Variants in TMEM14A observed in about 807,000 individuals in gnomAD.
TMEM14A encodes transmembrane protein 14A.
In TMEM14A, 8 loss-of-function variants were observed where a neutral mutation model predicts 11.6. That is an observed-to-expected ratio of 0.69 (90% CI 0.40 to 1.24). The LOEUF (loss-of-function observed/expected upper bound fraction) is 1.24. TMEM14A is among the 50% of genes most tolerant of loss of function. The pLI is 0.01. For missense variants in TMEM14A, 108 were observed against 121.9 expected (o/e 0.89, Z 0.54); for synonymous variants, 34 against 45.5 (o/e 0.75, Z 1.02).
intron 2 of TMEM14A, among the ~76,000 whole-genome samples, chr6:52,680,691 G>GTGTGTATATATATATATA (rs758417981): frequency 5.7e-5 from 2 of 35,336 alleles, no homozygotes; most frequent in African/African-American, 7.6e-5. Flanking sequence ...ATACATATAT[G>GTGTGTATATATATATATA]TATATATATA....
rs1769448742 is a variant in TMEM14A, at chr6:52,684,147, G to T, written c.242G>T (p.Gly81Val). Residue 81 changes from glycine (G) to valine (V), a missense_variant, in exon 4 of 5, where the codon GGT becomes GTT. By Grantham distance (109) the Gly-to-Val change is moderately radical. Transcript: ENST00000211314. ...FKRSKKIMPA[G>V]LVAGLSLMMI... is the part of the protein sequence containing the mutation. The stretch of plus-strand genomic sequence containing the variant: ...AGGTCCAAGAAAATAATGCCTGCTG[G>T]TTTGGTTGCAGGTTTAAGGTAAGTA... 1 of 1,613,656 alleles carries T rather than the reference G, an allele frequency of 6.2e-7. No homozygotes were observed. Among genetic ancestry groups the T allele is most frequent in the Non-Finnish European group, 8.5e-7 (1 of 1,179,844 alleles).
intron 3 of TMEM14A, among the ~76,000 whole-genome samples, chr6:52,682,990 A>G (rs1230467887): frequency 6.6e-6 from 1 of 152,050 alleles, no homozygotes; most frequent in Non-Finnish European, 1.5e-5. Flanking sequence ...TTTTTTTATT[A>G]ATCAGATCTT....
Position 52,686,421 on chromosome 6 carries a change from C to T in TMEM14A, c.*372C>T, listed in dbSNP as rs1170687575. On this transcript the variant is annotated 3_prime_UTR_variant, in exon 5 of 5. Transcript: ENST00000211314. ...TGGAGTTCACAGAATGATAATGTATCTATTTGTCATTTGTGTTATATTTGA... is the reference window on the plus strand; with the variant it reads ...TGGAGTTCACAGAATGATAATGTATTTATTTGTCATTTGTGTTATATTTGA... 5.2e-6 allele frequency: 2 copies of T among 386,536 alleles called. No individual in the cohort carries two copies. Among genetic ancestry groups the T allele is most frequent in the African/African-American group, 2.1e-5 (1 of 48,328 alleles). 23.9% of individuals were successfully genotyped at this position (386,536 alleles called of 1,614,324 possible).
chr6:52,677,281 G>A (rs1036523128), intron 2 of TMEM14A, 109 bp downstream of exon 2: 5 of 1,204,302 alleles, frequency 4.2e-6, no homozygotes, highest in Non-Finnish European at 4.9e-6. Context: ...TGCCTTAGAG[G>A]TGGCTGAAGA....
At chr6:52,682,536 GAA>G (rs373527001) in intron 3 of TMEM14A, among the ~76,000 whole-genome samples, 1 of 149,894 alleles carries the variant, frequency 6.7e-6, no homozygotes, top group Admixed American at 6.6e-5. Context: ...GTCGTGTATG[GAA>G]AAAAATATAA....
chr6:52,676,308 A>G (rs1769256994), intron 1 of TMEM14A, among the ~76,000 whole-genome samples: 1 of 152,174 alleles, frequency 6.6e-6, no homozygotes, highest in African/African-American at 2.4e-5. Context: ...GCTGGAGTGC[A>G]GTGGCACAAT....
intron 1 of TMEM14A, among the ~76,000 whole-genome samples, chr6:52,676,369 C>T (rs1488424381): frequency 6.6e-6 from 1 of 152,162 alleles, no homozygotes; most frequent in East Asian, 1.9e-4. Context: ...CCTCCCAACT[C>T]AGCATCCTGA....
chr6:52,685,547 T>C (rs1225368465), intron 4 of TMEM14A, among the ~76,000 whole-genome samples: 1 of 150,112 alleles, frequency 6.7e-6, no homozygotes, highest in African/African-American at 2.5e-5. Context: ...ACTGCGTCAC[T>C]ATACTCCAGC....
At chr6:52,681,959 G>C in intron 3 of TMEM14A, 45 bp downstream of exon 3, 1 of 1,540,466 alleles carries the variant, frequency 6.5e-7, no homozygotes, top group Non-Finnish European at 9.0e-7. Context: ...AAACATTGGA[G>C]GTGATCTTTT....
In TMEM14A at chr6:52,684,169, A is replaced by C. The variant is rs558825146; in HGVS notation, c.260+4A>C. 87 of 1,612,514 alleles carry C rather than the reference A, an allele frequency of 5.4e-5. No individual in the cohort carries two copies. In the Middle Eastern group the frequency reaches 1.8e-3, roughly 34 times the overall value. On this transcript the variant is annotated splice_donor_region_variant and intron_variant, in intron 4 of 4. Transcript: ENST00000211314. The stretch of plus-strand genomic sequence containing the variant: ...CTGGTTTGGTTGCAGGTTTAAGGTA[A>C]GTAAAACTATTTTGATCAATACTTT...
At chr6:52,683,817 G>A (rs1317123403) in intron 3 of TMEM14A, among the ~76,000 whole-genome samples, 1 of 152,124 alleles carries the variant, frequency 6.6e-6, no homozygotes, top group Admixed American at 6.5e-5. Flanking sequence ...GTTTCTCCAT[G>A]TTGGTCAGAC....
chr6:52,677,072 T>G lies in TMEM14A; in HGVS notation c.-16-15T>G, dbSNP rs374503871. Reference sequence around the variant, plus strand: ...TTTTTATTTTGTATAATTTGTCCTTTCCCCCTTGCTTTAGAATTGCAACCT... The same window carrying G: ...TTTTTATTTTGTATAATTTGTCCTTGCCCCCTTGCTTTAGAATTGCAACCT... On this transcript the variant is annotated splice_polypyrimidine_tract_variant and intron_variant, in intron 1 of 4. Coordinates refer to ENST00000211314, the MANE Select transcript of TMEM14A (RefSeq NM_014051.4). 1.4e-5 allele frequency: 22 copies of G among 1,612,552 alleles called. No individual in the cohort carries two copies. The African/African-American group carries it at 2.8e-4, about 21-fold the overall frequency.
chr6:52,684,595 G>C (rs1251179143), intron 4 of TMEM14A, among the ~76,000 whole-genome samples: 4 of 152,168 alleles, frequency 2.6e-5, no homozygotes, highest in African/African-American at 9.7e-5. Context: ...TTTTAAGAGA[G>C]AAGTTTTAAT....
Position 52,680,660 on chromosome 6 carries a change from T to TATATATATATATAC in TMEM14A, c.71-1147_71-1146insATATATACATATAT, listed in dbSNP as rs1185425959. 1.7e-4 allele frequency among the ~76,000 whole-genome samples: 8 copies of TATATATATATATAC among 46,704 alleles called. 2 individuals carry two copies. In the South Asian group the frequency reaches 2.2e-3, roughly 13 times the overall value. The allele number at this position is 46,704 out of a possible 152,430, so 30.6% of individuals were successfully genotyped here. On this transcript the variant is annotated intron_variant, in intron 2 of 4. Coordinates refer to ENST00000211314, the MANE Select transcript of TMEM14A (RefSeq NM_014051.4). ...ATGTGTGTATATATATGTGTGTGTA[T>TATATATATATATAC]ATATATGTGTATATATATATATACA...
chr6:52,680,603 A>ATATATATATATATG (rs1769351015), intron 2 of TMEM14A, among the ~76,000 whole-genome samples: 1 of 121,734 alleles, frequency 8.2e-6, no homozygotes, highest in Non-Finnish European at 1.7e-5. Flanking sequence ...TTATATATAT[A>ATATATATATATATG]TATATATATG....
rs777175983 is a variant in TMEM14A, at chr6:52,684,157, A to C, written c.252A>C (p.Ala84=). 2.5e-6 allele frequency: 4 copies of C among 1,613,410 alleles called. No individual in the cohort carries two copies. The highest frequency in any genetic ancestry group is 2.2e-5 in the East Asian group (1 of 44,862). The change falls in exon 4 of 5, where the codon GCA becomes GCC. Residue 84 remains alanine, a synonymous_variant. Transcript: ENST00000211314. ...SKKIMPAGLV[A]GLSLMMILRL... ...AAATAATGCCTGCTGGTTTGGTTGC[A>C]GGTTTAAGGTAAGTAAAACTATTTT... is the stretch of plus-strand genomic sequence containing the variant.
In TMEM14A at chr6:52,684,070, G is replaced by GT; in HGVS notation, c.173-4dup. 1 of 1,611,290 alleles carries GT rather than the reference G, an allele frequency of 6.2e-7. No homozygotes were observed. Among genetic ancestry groups the GT allele is most frequent in the Non-Finnish European group, 8.5e-7 (1 of 1,179,158 alleles). ...AAACTCTGGTTCATGAATTAGTTTG[G>GT]TTTTCAGTTACAGCTTTCTTCCTGG... On this transcript the variant is annotated splice_polypyrimidine_tract_variant and splice_region_variant and intron_variant, in intron 3 of 4. Coordinates refer to ENST00000211314, the MANE Select transcript of TMEM14A (RefSeq NM_014051.4).
At chr6:52,672,804 A>G (rs929237315) in intron 1 of TMEM14A, among the ~76,000 whole-genome samples, 1 of 152,154 alleles carries the variant, frequency 6.6e-6, no homozygotes, top group Non-Finnish European at 1.5e-5. Flanking sequence ...GCTCTTGCTT[A>G]CTTTACTGCA....
rs548767457 is a variant in TMEM14A at position 52,679,001 on chromosome 6, A to T, written c.70+1829A>T. On this transcript the variant is annotated intron_variant, in intron 2 of 4. Coordinates refer to ENST00000211314, the MANE Select transcript of TMEM14A (RefSeq NM_014051.4). ...GAGTCCTATGTAGCTGGGCCAGGAG[A>T]CCCTTCTACGGGACAGTTATTGAGA... 2.1e-3 allele frequency among the ~76,000 whole-genome samples: 323 copies of T among 152,202 alleles called. 2 individuals carry two copies. The highest frequency in any genetic ancestry group is 7.5e-3 in the African/African-American group (311 of 41,540).
Sources: gnomAD v4.1 joint callset for allele counts (sites outside exome capture counted in the v4.1 genomes callset) on GRCh38, gnomAD v4.1.1 for gene constraint, MANE v1.5 for transcripts, NCBI Gene and HGNC (gene_info 2026-07-23, HGNC 2026-07-21) for gene names.